NDUFAF4: variants seen among roughly 807,000 people sequenced by gnomAD.
The protein encoded by NDUFAF4 is NADH dehydrogenase [ubiquinone] 1 alpha subcomplex assembly factor 4.
In NDUFAF4, 10 loss-of-function variants were observed where a neutral mutation model predicts 15.6. That is an observed-to-expected ratio of 0.64 (90% CI 0.40 to 1.09). The LOEUF is 1.09. NDUFAF4 is among the 50% of genes least tolerant of loss of function. NDUFAF4 has a pLI of 0.01. For missense variants in NDUFAF4, 203 were observed against 207.3 expected, an observed-to-expected ratio of 0.98 and a Z score of 0.13; for synonymous variants, 77 against 73.3, an observed-to-expected ratio of 1.05 and a Z score of -0.26.
chr6:96,891,503 C>T, intron 2 of NDUFAF4, 112 bp from the exon 3 acceptor site: 1 of 1,154,026 alleles, frequency 8.7e-7, no homozygotes, highest in Non-Finnish European at 1.2e-6. Context: ...TGGTTTGGAT[C>T]TGTGTCCCCA....
At chr6:96,896,933 A>C (rs975707217) in intron 1 of NDUFAF4, 86 bp from the exon 2 acceptor site, 2 of 1,035,698 alleles carry the variant, frequency 1.9e-6, no homozygotes, top group Non-Finnish European at 3.0e-6. Flanking sequence ...GCTTTCTTTT[A>C]TTTTCTTTTT....
At position 96,890,749 on chromosome 6, in the gene NDUFAF4, GA is replaced by G. The variant is rs1775304561; in HGVS notation, c.*354del. On this transcript the variant is annotated 3_prime_UTR_variant, in exon 3 of 3. Coordinates refer to ENST00000316149, the MANE Select transcript of NDUFAF4 (RefSeq NM_014165.4). The stretch of plus-strand genomic sequence containing the variant: ...AAGAATGAACTAAACACCTAACTTG[GA>G]AAGTAAAACTCAGTTGAGGGATTCA... 4.8e-6 allele frequency: 1 copy of G among 206,636 alleles called. No homozygotes were observed. Among genetic ancestry groups the G allele is most frequent in the Admixed American group, 5.4e-5 (1 of 18,370 alleles). 12.8% of individuals were successfully genotyped at this position (206,636 alleles called of 1,614,324 possible).
At chr6:96,897,508 C>T (rs534226357) in intron 1 of NDUFAF4, among the ~76,000 whole-genome samples, 158 bp downstream of exon 1, 1 of 152,270 alleles carries the variant, frequency 6.6e-6, no homozygotes, top group Admixed American at 6.5e-5. Flanking sequence ...TCAATGTCAC[C>T]GGCCTGGCGG....
rs1238484326 is a variant in NDUFAF4 at position 96,897,843 on chromosome 6, G to C, written c.-42C>G. 1.2e-6 allele frequency: 2 copies of C among 1,613,128 alleles called. No homozygotes were observed. The highest frequency in any genetic ancestry group is 2.2e-5 in the East Asian group (1 of 44,850). Reference sequence around the variant, plus strand: ...GCGCTCAGGTTCAGGCCGCACGTGGGAACACCGGCGCAGGACAACTCCGGG... The same window carrying C: ...GCGCTCAGGTTCAGGCCGCACGTGGCAACACCGGCGCAGGACAACTCCGGG... On this transcript the variant is annotated 5_prime_UTR_variant, in exon 1 of 3. Coordinates refer to ENST00000316149, the MANE Select transcript of NDUFAF4 (RefSeq NM_014165.4).
intron 2 of NDUFAF4, among the ~76,000 whole-genome samples, chr6:96,894,633 G>A (rs1775350313): frequency 6.6e-6 from 1 of 152,052 alleles, no homozygotes; most frequent in African/African-American, 2.4e-5. Context: ...CTCAGTTTCA[G>A]GCATCTACTG....
At position 96,890,582 on chromosome 6, in the gene NDUFAF4, T is replaced by G. The variant is rs1775302478; in HGVS notation, c.*522A>C. The stretch of plus-strand genomic sequence containing the variant: ...TTATTCCCTGGAGTAGTAATTTTAA[T>G]TAGATTCTATTGATTCATTTTCTCC... On this transcript the variant is annotated 3_prime_UTR_variant, in exon 3 of 3. Transcript: ENST00000316149. The G allele has an allele frequency of 6.5e-6, 1 of 153,062 alleles. No individual in the cohort carries two copies. Among genetic ancestry groups the G allele is most frequent in the Non-Finnish European group, 1.5e-5 (1 of 68,728 alleles). 9.5% of individuals were successfully genotyped at this position (153,062 alleles called of 1,614,324 possible).
intron 2 of NDUFAF4, among the ~76,000 whole-genome samples, chr6:96,893,058 C>T (rs1468356964): frequency 6.6e-6 from 1 of 152,120 alleles, no homozygotes; most frequent in East Asian, 1.9e-4. Context: ...ACCAACACTA[C>T]CTACCTCTCA....
At chr6:96,895,355 T>G (rs979321086) in intron 2 of NDUFAF4, among the ~76,000 whole-genome samples, 4 of 152,100 alleles carry the variant, frequency 2.6e-5, no homozygotes, top group Non-Finnish European at 5.9e-5. Flanking sequence ...AATAAATTAT[T>G]TGCCATATGA....
At chr6:96,891,911 C>G (rs1192474998) in intron 2 of NDUFAF4, among the ~76,000 whole-genome samples, 4 of 151,952 alleles carry the variant, frequency 2.6e-5, no homozygotes, top group African/African-American at 9.7e-5. Context: ...ACTTCATTTT[C>G]TTATTATAAT....
intron 1 of NDUFAF4, 76 bp downstream of exon 1, chr6:96,897,590 G>C: frequency 6.3e-7 from 1 of 1,595,574 alleles, no homozygotes; most frequent in Admixed American, 1.7e-5. Context: ...CTCGGCCTCC[G>C]GACCCACGCT....
chr6:96,891,890 C>T (rs868154318), intron 2 of NDUFAF4, among the ~76,000 whole-genome samples: 3 of 151,956 alleles, frequency 2.0e-5, no homozygotes, highest in Non-Finnish European at 2.9e-5. Flanking sequence ...ATTCTATATA[C>T]GATTTTCCAA....
chr6:96,896,512 GCT>G (rs1344453944), intron 2 of NDUFAF4, among the ~76,000 whole-genome samples: 1 of 152,210 alleles, frequency 6.6e-6, no homozygotes, highest in Non-Finnish European at 1.5e-5. Flanking sequence ...TCACACAGTT[GCT>G]TGTATCAATA....
At chr6:96,896,459 T>C (rs1775373891) in intron 2 of NDUFAF4, among the ~76,000 whole-genome samples, 1 of 152,232 alleles carries the variant, frequency 6.6e-6, no homozygotes, top group Non-Finnish European at 1.5e-5. Flanking sequence ...CTGGAAGTAA[T>C]GCCTTACCAA....
chr6:96,897,338 C>A (rs182370788), intron 1 of NDUFAF4, among the ~76,000 whole-genome samples: 6 of 152,344 alleles, frequency 3.9e-5, no homozygotes, highest in African/African-American at 1.2e-4. Context: ...CCAGTGAAGA[C>A]CCCTAGAGAA....
chr6:96,890,776 G>C lies in NDUFAF4; in HGVS notation c.*328C>G, dbSNP rs894319790. The C allele has an allele frequency of 2.4e-5, 6 of 246,260 alleles. No individual in the cohort carries two copies. The highest frequency in any genetic ancestry group is 4.7e-5 in the Non-Finnish European group (6 of 127,540). The allele number at this position is 246,260 out of a possible 1,614,324, so 15.3% of individuals were successfully genotyped here. ...AAGTAAAACTCAGTTGAGGGATTCA[G>C]GACATTTCCCAAGGGGTAATATGAC... On this transcript the variant is annotated 3_prime_UTR_variant, in exon 3 of 3. Coordinates refer to ENST00000316149, the MANE Select transcript of NDUFAF4 (RefSeq NM_014165.4).
rs1481947111 is a variant in NDUFAF4 at position 96,891,335 on chromosome 6, A to G, written c.297T>C (p.His99=). The G allele has an allele frequency of 1.5e-5, 25 of 1,613,376 alleles. No individual in the cohort carries two copies. The highest frequency in any genetic ancestry group is 5.5e-5 in the South Asian group (5 of 91,064). The stretch of plus-strand genomic sequence containing the variant: ...TCTTAATATTTATCATATCAAAATG[A>G]TGGTCTTTCGGCAATCTGAATTCCT... ...EPKEFRLPKD[H]HFDMINIKSI... The change falls in exon 3 of 3, where the codon CAT becomes CAC. Residue 99 remains histidine, a synonymous_variant. Transcript: ENST00000316149.
At chr6:96,896,615 C>T (rs982994018) in intron 2 of NDUFAF4, 129 bp downstream of exon 2, 2 of 766,182 alleles carry the variant, frequency 2.6e-6, no homozygotes, top group Non-Finnish European at 4.5e-6. Context: ...TTAAACTTTG[C>T]CAAGGCGTGT....
At chr6:96,895,444 C>T (rs981599035) in intron 2 of NDUFAF4, among the ~76,000 whole-genome samples, 2 of 152,184 alleles carry the variant, frequency 1.3e-5, no homozygotes, top group Admixed American at 1.3e-4. Flanking sequence ...AGAACATAAA[C>T]AAAAGGCAAT....
In NDUFAF4 at chr6:96,891,288, G is replaced by C. The variant is rs768077035; in HGVS notation, c.344C>G (p.Ser115Cys). The change falls in exon 3 of 3, where the codon TCC becomes TGC. Residue 115 changes from serine (S) to cysteine (C), a missense_variant. By Grantham distance (112) the Ser-to-Cys change is moderately radical (BLOSUM62 -1). Transcript: ENST00000316149. ...NIKSIPKGKISIVEALTLLNN... is the reference protein window; with the variant it reads ...NIKSIPKGKICIVEALTLLNN... ...GAGAAGTGTCAATGCTTCTACAATGGAAATTTTGCCTTTGGGAATGCTCTT... is the reference window on the plus strand; with the variant it reads ...GAGAAGTGTCAATGCTTCTACAATGCAAATTTTGCCTTTGGGAATGCTCTT... 6.8e-6 allele frequency: 11 copies of C among 1,613,626 alleles called. No individual in the cohort carries two copies. The highest frequency in any genetic ancestry group is 9.3e-6 in the Non-Finnish European group (11 of 1,179,862).
Sources: allele counts gnomAD v4.1 joint callset (sites outside exome capture counted in the v4.1 genomes callset), GRCh38; gene constraint gnomAD v4.1.1; transcripts MANE v1.5; gene names NCBI Gene and HGNC (gene_info 2026-07-23, HGNC 2026-07-21).